The following CUX1 variants were observed in gnomAD, a reference collection of about 807,000 sequenced individuals.
CUX1 encodes the protein protein CASP.
Under a neutral mutation model 158.8 loss-of-function variants are expected in CUX1, and 31 were observed. That is an observed-to-expected ratio of 0.20 (90% CI 0.15 to 0.26). CUX1 has a LOEUF of 0.26. Among genes scored for constraint, CUX1 ranks in the 10% least tolerant of loss-of-function variants. The probability of loss-of-function intolerance (pLI) is 1.00; values close to 1 mark genes in which losing one functional copy is unlikely to be tolerated. For synonymous variants in CUX1, 879 were observed against 862.1 expected (o/e 1.02, Z -0.34); for missense variants, 1,589 against 2,014.6 (o/e 0.79, Z 4.04).
chr7:102,200,413 G>A (rs1554519323), intron 17 of CUX1, among the ~76,000 whole-genome samples: 1 of 152,084 alleles, frequency 6.6e-6, no homozygotes, highest in East Asian at 1.9e-4. Flanking sequence ...CACGATCTCA[G>A]CTCACTGCAA....
chr7:102,145,352 G>A (rs970910061), intron 8 of CUX1, among the ~76,000 whole-genome samples: 39 of 151,808 alleles, frequency 2.6e-4, no homozygotes, highest in Admixed American at 1.3e-4. Context: ...ATTTGTGGTT[G>A]AATCTAGAGG....
At chr7:102,026,785 A>G (rs898883809) in intron 2 of CUX1, among the ~76,000 whole-genome samples, 1 of 142,334 alleles carries the variant, frequency 7.0e-6, no homozygotes, top group Non-Finnish European at 1.5e-5. Flanking sequence ...TCGCCACTGC[A>G]CTCCAGCCTA....
intron 2 of CUX1, among the ~76,000 whole-genome samples, chr7:101,939,320 G>A (rs1807413042): frequency 1.3e-5 from 2 of 151,764 alleles, no homozygotes; most frequent in Non-Finnish European, 2.9e-5. Context: ...CAACAGTGTG[G>A]CCGCTGTCAG....
In CUX1 at chr7:102,008,185, G is replaced by A. The variant is rs1563122908; in HGVS notation, c.142-19913G>A. Among the ~76,000 whole-genome samples, 7 of 152,214 alleles carry A rather than the reference G, an allele frequency of 4.6e-5. No individual in the cohort carries two copies. The South Asian group carries it at 8.3e-4, about 18-fold the overall frequency. ...ACTACCTTTTGCATGGTTGGTGGCCGTCCACCCGCCTCTCAGGCCATGTCT... is the reference window on the plus strand; with the variant it reads ...ACTACCTTTTGCATGGTTGGTGGCCATCCACCCGCCTCTCAGGCCATGTCT... On this transcript the variant is annotated intron_variant, in intron 2 of 23. Coordinates refer to ENST00000292535, the MANE Select transcript of CUX1 (RefSeq NM_181552.4).
intron 12 of CUX1, among the ~76,000 whole-genome samples, chr7:102,191,250 T>G (rs1794242821): frequency 6.6e-6 from 1 of 152,232 alleles, no homozygotes; most frequent in South Asian, 2.1e-4. Context: ...TATTTATTTA[T>G]TTGACAGAGT....
intron 14 of CUX1, among the ~76,000 whole-genome samples, chr7:102,196,373 A>G (rs1794801652): frequency 6.6e-6 from 1 of 152,132 alleles, no homozygotes; most frequent in Non-Finnish European, 1.5e-5. Context: ...GTTTGAGTCT[A>G]TGTCAAGGGG....
At chr7:102,258,317 C>A, downstream of CUX1, 1 of 440,896 alleles carries the variant, frequency 2.3e-6, no homozygotes, top group Non-Finnish European at 3.0e-6. Flanking sequence ...AAGGGCACCT[C>A]AAGAATCGCC....
intron 2 of CUX1, among the ~76,000 whole-genome samples, chr7:101,975,755 C>T (rs897036326): frequency 6.6e-6 from 1 of 152,192 alleles, no homozygotes. Flanking sequence ...TGTTTGTTAG[C>T]CAGTGGTATC....
At position 102,178,511 on chromosome 7, in the gene CUX1, G is replaced by C. The variant is rs527348720; in HGVS notation, c.871G>C (p.Glu291Gln). Residue 291 changes from glutamate (E) to glutamine (Q), a missense_variant, in exon 11 of 24, where the codon GAG becomes CAG. Glu to Gln is a conservative substitution (Grantham distance 29). Coordinates refer to ENST00000292535, the MANE Select transcript of CUX1 (RefSeq NM_181552.4). ...EVLTRSSLEV[E>Q]LAAKEREIAQ... is the part of the protein sequence containing the mutation. ...GCTGACCCGCTCCAGCCTAGAAGTT[G>C]AGTTGGCCGCCAAGGAGCGGGAGAT... The C allele has an allele frequency of 5.6e-6, 9 of 1,612,694 alleles. No homozygotes were observed. The Admixed American group carries it at 6.7e-5, about 12-fold the overall frequency.
intron 3 of CUX1, among the ~76,000 whole-genome samples, chr7:102,045,040 G>C (rs1279369747): frequency 6.6e-6 from 1 of 152,152 alleles, no homozygotes; most frequent in African/African-American, 2.4e-5. Flanking sequence ...CTGTGGTGAT[G>C]TGGCTGCTGT....
chr7:101,981,100 A>T (rs1438677673), intron 2 of CUX1, among the ~76,000 whole-genome samples: 2 of 152,122 alleles, frequency 1.3e-5, no homozygotes, highest in Non-Finnish European at 2.9e-5. Context: ...ACCTAGGGAG[A>T]GGCCTCTTTT....
Position 102,274,102 on chromosome 7 carries a change from C to T in CUX1, c.1384-142C>T, listed in dbSNP as rs190150707. On this transcript the variant is annotated intron_variant, in intron 15 of 22. Transcript: ENST00000292538. The stretch of plus-strand genomic sequence containing the variant: ...CATGTCACGTGTCCAGGTCCGGGCC[C>T]TCCTGCAGCCAGCCTGCACCCCGGA... The T allele has an allele frequency of 1.1e-3, 837 of 768,466 alleles. 3 individuals are homozygous for T. The African/African-American group carries it at 0.012, about 11-fold the overall frequency. The allele number at this position is 768,466 out of a possible 1,614,324, so 47.6% of individuals were successfully genotyped here.
intron 8 of CUX1, among the ~76,000 whole-genome samples, chr7:102,136,935 TATTTTCTTGTGTTTACCAAGA>T (rs529410035): frequency 5.0e-4 from 76 of 152,326 alleles, no homozygotes; most frequent in Admixed American, 1.0e-3. Flanking sequence ...GGGAGTTTGT[TATTTTCTTGTGTTTACCAAGA>T]AACATAGGGC....
chr7:101,914,990 G>A (rs1804014324), intron 1 of CUX1, among the ~76,000 whole-genome samples: 1 of 152,168 alleles, frequency 6.6e-6, no homozygotes, highest in Non-Finnish European at 1.5e-5. Context: ...AGGCTCTAGT[G>A]TGCTTCTTGG....
chr7:101,876,997 G>C (rs759302622), intron 1 of CUX1, among the ~76,000 whole-genome samples: 94 of 152,188 alleles, frequency 6.2e-4, no homozygotes, highest in Non-Finnish European at 1.1e-3. Context: ...TTGTACATCC[G>C]TGCAGCTTTT....
rs1021160432 is a variant in CUX1 at position 101,981,754 on chromosome 7, G to A, written c.142-46344G>A. On this transcript the variant is annotated intron_variant, in intron 2 of 23. Transcript: ENST00000292535. ...GTCTCCTGAGTAGCTGGGATTACAG[G>A]CAAGCACCACCACGCCCAGCTAATG... 9.2e-5 allele frequency among the ~76,000 whole-genome samples: 14 copies of A among 152,094 alleles called. 1 individual carries two copies. The highest frequency in any genetic ancestry group is 7.2e-4 in the Admixed American group (11 of 15,254).
At chr7:101,816,693 G>C (rs1271140762), upstream of CUX1, among the ~76,000 whole-genome samples, 3 of 145,168 alleles carry the variant, frequency 2.1e-5, no homozygotes, top group African/African-American at 7.4e-5. Context: ...TGCCGCCGGC[G>C]CGGCGGAGCT....
At chr7:102,115,140 A>G in intron 7 of CUX1, 67 bp from the exon 8 acceptor site, 1 of 1,344,190 alleles carries the variant, frequency 7.4e-7, no homozygotes. Context: ...TGAAATGGGA[A>G]TAGATTACCT....
Position 102,115,278 on chromosome 7 carries a change from GTC to G in CUX1, c.674+11_674+12del, listed in dbSNP as rs782573611. 17 of 1,607,600 alleles carry G rather than the reference GTC, an allele frequency of 1.1e-5. No homozygotes were observed. The highest frequency in any genetic ancestry group is 3.5e-5 in the Admixed American group (2 of 57,368). On this transcript the variant is annotated splice_donor_region_variant and intron_variant, in intron 8 of 23. Transcript: ENST00000292535. ...CGATGAAGAAACTACTGCAAAGTAAGTCTCTCTGCTTGGCCTCCCTTATCCGT... is the reference window on the plus strand; with the variant it reads ...CGATGAAGAAACTACTGCAAAGTAAGTCTCTGCTTGGCCTCCCTTATCCGT...
Sources: gnomAD v4.1 joint callset for allele counts (sites outside exome capture counted in the v4.1 genomes callset) on GRCh38, gnomAD v4.1.1 for gene constraint, MANE v1.5 for transcripts, NCBI Gene and HGNC (gene_info 2026-07-23, HGNC 2026-07-21) for gene names.